Variants in GXYLT2 observed in about 807,000 individuals in gnomAD.
The protein encoded by GXYLT2 is glucoside xylosyltransferase 2.
A neutral mutation model predicts 45.8 loss-of-function variants in GXYLT2; 53 were observed. The ratio of observed to expected loss-of-function variants is 1.16; its 90% CI spans 0.93 to 1.46. GXYLT2 has a LOEUF of 1.46. Ranked by LOEUF, GXYLT2 falls within the 40% of genes most tolerant of loss-of-function variation. GXYLT2 has a pLI of 0.00. For missense variants in GXYLT2, 551 were observed against 544.4 expected, an observed-to-expected ratio of 1.01 and a Z score of -0.12; for synonymous variants, 219 against 214.2, an observed-to-expected ratio of 1.02 and a Z score of -0.19.
At chr3:72,968,553 C>T (rs1474342504) in intron 6 of GXYLT2, among the ~76,000 whole-genome samples, 1 of 152,202 alleles carries the variant, frequency 6.6e-6, no homozygotes, top group Non-Finnish European at 1.5e-5. Flanking sequence ...TTCCATTTTT[C>T]CCCACCAAAG....
intron 1 of GXYLT2, among the ~76,000 whole-genome samples, chr3:72,890,547 T>C (rs1709163577): frequency 6.6e-6 from 1 of 152,240 alleles, no homozygotes; most frequent in African/African-American, 2.4e-5. Context: ...GGGCTCAGGT[T>C]GAGCACTTAC....
At chr3:72,966,968 T>A (rs184002140) in intron 5 of GXYLT2, among the ~76,000 whole-genome samples, 6,374 of 152,114 alleles carry the variant, frequency 0.042, 436 homozygotes, top group African/African-American at 0.15. Context: ...GGGGTCTTGC[T>A]ATGTTGCCCA....
chr3:72,936,451 C>A (rs1710180835), intron 3 of GXYLT2, among the ~76,000 whole-genome samples: 1 of 151,994 alleles, frequency 6.6e-6, no homozygotes, highest in African/African-American at 2.4e-5. Context: ...ACTAGCCTGG[C>A]CAACATGGTG....
At chr3:72,973,784 G>A (rs1183444535) in intron 6 of GXYLT2, among the ~76,000 whole-genome samples, 1 of 152,200 alleles carries the variant, frequency 6.6e-6, no homozygotes, top group Non-Finnish European at 1.5e-5. Flanking sequence ...CATTACTGGA[G>A]CTACAGTGGT....
At chr3:72,919,314 A>C (rs1045370615) in intron 2 of GXYLT2, among the ~76,000 whole-genome samples, 2 of 152,224 alleles carry the variant, frequency 1.3e-5, no homozygotes, top group Non-Finnish European at 2.9e-5. Context: ...TGATTAAAAT[A>C]AAATGAGCTA....
intron 1 of GXYLT2, among the ~76,000 whole-genome samples, chr3:72,898,260 T>G (rs776269143): frequency 1.3e-5 from 2 of 152,156 alleles, no homozygotes; most frequent in Non-Finnish European, 2.9e-5. Flanking sequence ...GTTTCCCCCC[T>G]CTAAGCTTTA....
At chr3:72,915,625 T>C (rs1228227325) in intron 2 of GXYLT2, among the ~76,000 whole-genome samples, 3 of 151,712 alleles carry the variant, frequency 2.0e-5, no homozygotes, top group Admixed American at 6.6e-5. Flanking sequence ...TCACCTGAGG[T>C]TGGGAGTTCG....
At chr3:72,903,013 AAAAAC>A (rs956513521) in intron 1 of GXYLT2, among the ~76,000 whole-genome samples, 4 of 152,222 alleles carry the variant, frequency 2.6e-5, no homozygotes, top group African/African-American at 9.6e-5. Context: ...CTCCGTCTCA[AAAAAC>A]AAAACAAAAC....
chr3:72,967,287 T>C (rs1251971297), intron 5 of GXYLT2, among the ~76,000 whole-genome samples: 1 of 152,234 alleles, frequency 6.6e-6, no homozygotes, highest in East Asian at 1.9e-4. Context: ...GCCTCGTGCC[T>C]GTGTTTGCTT....
rs573154050 is a variant in GXYLT2 at position 72,898,647 on chromosome 3, C to T, written c.276-9720C>T. On this transcript the variant is annotated intron_variant, in intron 1 of 6. Transcript: ENST00000389617. Reference sequence around the variant, plus strand: ...AGATCGTTCCCTGCACCCGAGCACCCGGGGAGGCATGGGAGACTGAAATCC... The same window carrying T: ...AGATCGTTCCCTGCACCCGAGCACCTGGGGAGGCATGGGAGACTGAAATCC... Among the ~76,000 whole-genome samples, 37 of 152,214 alleles carry T rather than the reference C, an allele frequency of 2.4e-4. No homozygotes were observed. In the South Asian group the frequency reaches 7.3e-3, roughly 30 times the overall value.
At chr3:72,890,377 C>T (rs1709159977) in intron 1 of GXYLT2, among the ~76,000 whole-genome samples, 1 of 152,250 alleles carries the variant, frequency 6.6e-6, no homozygotes, top group South Asian at 2.1e-4. Context: ...ACGTCCCTCC[C>T]ATTGTTTCTC....
chr3:72,939,159 A>C (rs1347100004), intron 3 of GXYLT2, among the ~76,000 whole-genome samples: 3 of 152,256 alleles, frequency 2.0e-5, no homozygotes, highest in African/African-American at 7.2e-5. Context: ...ATCTCAGATT[A>C]AAACAGTGTG....
In GXYLT2 at chr3:72,976,775, T is replaced by C. The variant is rs1711111837; in HGVS notation, c.*1616T>C. ...TTGGTAGGGTCCTGAATCATCTCTA[T>C]AAGGCAAACAAGGAAATTGTAACAC... On this transcript the variant is annotated 3_prime_UTR_variant, in exon 7 of 7. Transcript: ENST00000389617. 2 of 152,318 alleles carry C rather than the reference T, an allele frequency of 1.3e-5. No individual in the cohort carries two copies. Among genetic ancestry groups the C allele is most frequent in the Admixed American group, 1.3e-4 (2 of 15,290 alleles). The allele number at this position is 152,318 out of a possible 1,614,324, so 9.4% of individuals were successfully genotyped here.
chr3:72,932,416 T>C (rs1051660184), intron 3 of GXYLT2, among the ~76,000 whole-genome samples: 2 of 152,268 alleles, frequency 1.3e-5, no homozygotes, highest in Non-Finnish European at 2.9e-5. Context: ...TTCAAAGTTA[T>C]CTATTTCCAT....
rs114894123 is a variant in GXYLT2 at position 72,925,480 on chromosome 3, C to T, written c.600+3145C>T. On this transcript the variant is annotated intron_variant, in intron 3 of 6. Transcript: ENST00000389617. ...CACATCGTCTGTTCTTCACATGTCACAGACCTTTATATATAATCGCATAAA... is the reference window on the plus strand; with the variant it reads ...CACATCGTCTGTTCTTCACATGTCATAGACCTTTATATATAATCGCATAAA... Among the ~76,000 whole-genome samples the T allele has an allele frequency of 2.8e-3, 425 of 152,208 alleles. 1 individual carries two copies. Among genetic ancestry groups the T allele is most frequent in the African/African-American group, 9.5e-3 (395 of 41,536 alleles).
rs143842535 is a variant in GXYLT2 at position 72,933,290 on chromosome 3, A to G, written c.600+10955A>G. ...GTCCCAGCAGGTAACGCTCCTATTA[A>G]AACATCAGTCACATTGTAGGGAATT... On this transcript the variant is annotated intron_variant, in intron 3 of 6. Transcript: ENST00000389617. 1.4e-3 allele frequency among the ~76,000 whole-genome samples: 211 copies of G among 152,306 alleles called. 2 individuals carry two copies. The highest frequency in any genetic ancestry group is 4.9e-3 in the African/African-American group (203 of 41,564).
At chr3:72,918,439 C>T (rs1012144147) in intron 2 of GXYLT2, among the ~76,000 whole-genome samples, 2 of 152,132 alleles carry the variant, frequency 1.3e-5, no homozygotes, top group Non-Finnish European at 2.9e-5. Context: ...CTAAAACAAA[C>T]AACCTTGTAA....
chr3:72,949,060 AGTATGG>A (rs1413906806), intron 3 of GXYLT2, among the ~76,000 whole-genome samples: 2 of 152,170 alleles, frequency 1.3e-5, no homozygotes, highest in Non-Finnish European at 2.9e-5. Flanking sequence ...GGATGCGGGC[AGTATGG>A]GTAGGCGAGG....
At position 72,925,251 on chromosome 3, in the gene GXYLT2, G is replaced by C. The variant is rs550971641; in HGVS notation, c.600+2916G>C. On this transcript the variant is annotated intron_variant, in intron 3 of 6. Coordinates refer to ENST00000389617, the MANE Select transcript of GXYLT2 (RefSeq NM_001080393.2). ...AGCTCACTGCAACCTCCACCTCCTG[G>C]GTTCAAACAATTCTCCTGCCTCAAT... 1.8e-3 allele frequency among the ~76,000 whole-genome samples: 270 copies of C among 151,760 alleles called. 1 individual carries two copies. The highest frequency in any genetic ancestry group is 3.4e-3 in the Middle Eastern group (1 of 294).
Sources: gnomAD v4.1 joint callset for allele counts (sites outside exome capture counted in the v4.1 genomes callset) on GRCh38, gnomAD v4.1.1 for gene constraint, MANE v1.5 for transcripts, NCBI Gene and HGNC (gene_info 2026-07-23, HGNC 2026-07-21) for gene names.